RASGRF1: variants seen among roughly 807,000 people sequenced by gnomAD.
RASGRF1 encodes ras-specific guanine nucleotide-releasing factor 1.
In RASGRF1, 40 loss-of-function variants were observed where a neutral mutation model predicts 138.7. That is an observed-to-expected ratio of 0.29 (90% CI 0.22 to 0.38). The LOEUF (loss-of-function observed/expected upper bound fraction) is 0.38. Ranked by LOEUF, RASGRF1 falls within the 10% of genes least tolerant of loss-of-function variation. The pLI is 1.00. For synonymous variants in RASGRF1, 614 were observed against 663.2 expected (o/e 0.93, Z 1.14); for missense variants, 1,108 against 1,650.4 (o/e 0.67, Z 5.69).
intron 5 of RASGRF1, among the ~76,000 whole-genome samples, chr15:79,041,411 A>C (rs1323920592): frequency 6.6e-6 from 1 of 152,202 alleles, no homozygotes; most frequent in Non-Finnish European, 1.5e-5. Context: ...AACAGTTAAT[A>C]TAGTGAGAGA....
chr15:79,039,199 G>A (rs1482432443), intron 5 of RASGRF1, among the ~76,000 whole-genome samples: 3 of 150,644 alleles, frequency 2.0e-5, no homozygotes, highest in Admixed American at 6.6e-5. Flanking sequence ...TACTAAGGAG[G>A]TTGAGAGGGT....
At chr15:79,049,177 A>AT (rs1352066345) in intron 4 of RASGRF1, among the ~76,000 whole-genome samples, 1 of 152,084 alleles carries the variant, frequency 6.6e-6, no homozygotes, top group East Asian at 1.9e-4. Context: ...GTGAATGGCA[A>AT]TGCGAGGAAA....
chr15:79,085,998 A>G (rs2057974403), intron 1 of RASGRF1, among the ~76,000 whole-genome samples: 1 of 152,160 alleles, frequency 6.6e-6, no homozygotes, highest in South Asian at 2.1e-4. Context: ...AGGCATAATT[A>G]CTGTGCCTCT....
At chr15:78,985,456 GA>G (rs1162664772) in intron 22 of RASGRF1, 1 of 398,862 alleles carries the variant, frequency 2.5e-6, no homozygotes, top group African/African-American at 2.0e-5. Context: ...ATAACAATGG[GA>G]ATCTGTAAAT....
At chr15:79,083,444 C>T in intron 1 of RASGRF1, among the ~76,000 whole-genome samples, 1 of 152,210 alleles carries the variant, frequency 6.6e-6, no homozygotes, top group East Asian at 1.9e-4. Context: ...TCCAGGGAAA[C>T]CGGATTGTGG....
intron 1 of RASGRF1, among the ~76,000 whole-genome samples, chr15:79,082,079 C>CTG (rs1166144321): frequency 6.6e-6 from 1 of 152,200 alleles, no homozygotes; most frequent in Admixed American, 6.5e-5. Context: ...TCTTCAGCTA[C>CTG]TGTGTGTGTG....
Position 78,969,059 on chromosome 15 carries a change from C to G in RASGRF1, c.3681+2807G>C, listed in dbSNP as rs141894182. On this transcript the variant is annotated intron_variant, in intron 26 of 26. Transcript: ENST00000558480. ...TTGTATTTGCAGTTGAGTTCAATCT[C>G]TCTCCCCCAAGAAACAGTCTTGGCC... Among the ~76,000 whole-genome samples, 979 of 152,256 alleles carry G rather than the reference C, an allele frequency of 6.4e-3. 21 individuals are homozygous for G. Among genetic ancestry groups the G allele is most frequent in the African/African-American group, 0.023 (935 of 41,528 alleles).
At chr15:78,972,053 T>C in intron 25 of RASGRF1, 119 bp from the exon 26 acceptor site, 2 of 879,284 alleles carry the variant, frequency 2.3e-6, no homozygotes, top group Non-Finnish European at 3.9e-6. Context: ...ATTCCATACA[T>C]GTTGCCTCCT....
chr15:79,072,031 T>C (rs1349804373), intron 1 of RASGRF1, among the ~76,000 whole-genome samples: 1 of 152,120 alleles, frequency 6.6e-6, no homozygotes, highest in African/African-American at 2.4e-5. Context: ...TTCTGGATTC[T>C]GGAGTAGTAC....
At chr15:79,068,141 G>C (rs1457028434) in intron 1 of RASGRF1, among the ~76,000 whole-genome samples, 1 of 152,164 alleles carries the variant, frequency 6.6e-6, no homozygotes, top group Non-Finnish European at 1.5e-5. Context: ...TAGGTGGCAC[G>C]ACCCCACTTC....
chr15:79,075,899 A>C (rs2057826670), intron 1 of RASGRF1, among the ~76,000 whole-genome samples: 1 of 152,222 alleles, frequency 6.6e-6, no homozygotes, highest in Admixed American at 6.5e-5. Flanking sequence ...GCCTTGGTCT[A>C]TTCTATACAC....
At chr15:79,015,971 G>T (rs745684866) in intron 12 of RASGRF1, among the ~76,000 whole-genome samples, 26 of 152,194 alleles carry the variant, frequency 1.7e-4, no homozygotes, top group Non-Finnish European at 3.1e-4. Context: ...GGCTGCTGGC[G>T]GGAGGGGCAC....
In RASGRF1 at chr15:79,073,834, G is replaced by T. The variant is rs1324450476; in HGVS notation, c.277-9308C>A. Among the ~76,000 whole-genome samples the T allele has an allele frequency of 6.6e-6, 1 of 152,218 alleles. No homozygotes were observed. The highest frequency in any genetic ancestry group is 1.9e-4 in the East Asian group (1 of 5,198). On this transcript the variant is annotated intron_variant, in intron 1 of 26. Transcript: ENST00000558480. This position sits in a 1 kb window ranked among gnomAD's most constrained non-coding sequence, Gnocchi z 4.2. The stretch of plus-strand genomic sequence containing the variant: ...CTGCAGCAGCACCCAAATCACCTTG[G>T]AATTTGTTAGGACTGTAAGTTCTTG...
At position 78,973,968 on chromosome 15, in the gene RASGRF1, A is replaced by C. The variant is rs907998711; in HGVS notation, c.3495-548T>G. Among the ~76,000 whole-genome samples the C allele has an allele frequency of 6.6e-6, 1 of 152,176 alleles. No homozygotes were observed. The highest frequency in any genetic ancestry group is 1.5e-5 in the Non-Finnish European group (1 of 68,022). On this transcript the variant is annotated intron_variant, in intron 24 of 26. Transcript: ENST00000558480. The surrounding 1 kb of genome is among the most constrained non-coding windows in gnomAD (Gnocchi z 4.9). ...CACTGGGCTTGGGTGCCAGGGCAGGAAACCCTTGCTCTCTGAGATCACTTT... is the reference window on the plus strand; with the variant it reads ...CACTGGGCTTGGGTGCCAGGGCAGGCAACCCTTGCTCTCTGAGATCACTTT...
At chr15:78,983,139 A>T (rs1176971337) in intron 23 of RASGRF1, among the ~76,000 whole-genome samples, 1 of 152,330 alleles carries the variant, frequency 6.6e-6, no homozygotes, top group South Asian at 2.1e-4. Context: ...TAGAGAGAGA[A>T]TGAACTGCCT....
intron 14 of RASGRF1, chr15:79,005,280 G>C (rs993627691): frequency 2.0e-6 from 2 of 985,676 alleles, no homozygotes; most frequent in Non-Finnish European, 2.4e-6. Context: ...TGGATTGGGG[G>C]AGGAATGGTG....
At chr15:79,042,018 G>A (rs1388886604) in intron 5 of RASGRF1, among the ~76,000 whole-genome samples, 1 of 152,202 alleles carries the variant, frequency 6.6e-6, no homozygotes, top group Non-Finnish European at 1.5e-5. Context: ...GTGGTTCCCT[G>A]CACATGGTGC....
intron 11 of RASGRF1, 78 bp downstream of exon 11, chr15:79,019,963 C>A: frequency 1.3e-6 from 2 of 1,555,160 alleles, no homozygotes; most frequent in South Asian, 2.3e-5. Context: ...GAAACTAATG[C>A]CTGGCCCAAC....
intron 1 of RASGRF1, among the ~76,000 whole-genome samples, chr15:79,083,542 G>A (rs1461617230): frequency 2.6e-5 from 4 of 152,162 alleles, no homozygotes; most frequent in South Asian, 2.1e-4. Flanking sequence ...AACAAAAGCC[G>A]CCTTCACAAA....
Sources: gnomAD v4.1 joint callset for allele counts (sites outside exome capture counted in the v4.1 genomes callset) on GRCh38, gnomAD v4.1.1 for gene constraint, Gnocchi (gnomAD v3.1) non-coding constraint, MANE v1.5 for transcripts, NCBI Gene and HGNC (gene_info 2026-07-23, HGNC 2026-07-21) for gene names.